ITGB2: variants seen among roughly 807,000 people sequenced by gnomAD.
ITGB2 encodes integrin subunit beta 2, also known as integrin beta-2.
In ITGB2, 56 loss-of-function variants were observed where a neutral mutation model predicts 86.8. That is an observed-to-expected ratio of 0.65 (90% CI 0.52 to 0.81). The LOEUF (loss-of-function observed/expected upper bound fraction) is 0.81, where lower values mean the gene tolerates loss of function less well. Among genes scored for constraint, ITGB2 ranks in the 30% least tolerant of loss-of-function variants. ITGB2 has a pLI of 0.00. For missense variants in ITGB2, 948 were observed against 1,061.2 expected (o/e 0.89, Z 1.48); for synonymous variants, 457 against 450.4 (o/e 1.01, Z -0.19).
chr21:44,889,694 T>A (rs2037183337), intron 12 of ITGB2, among the ~76,000 whole-genome samples, 199 bp from the exon 13 acceptor site: 1 of 152,164 alleles, frequency 6.6e-6, no homozygotes, highest in Non-Finnish European at 1.5e-5. Flanking sequence ...AGTCTGGACC[T>A]CCCCTGCCCT....
chr21:44,907,959 A>G (rs1413039442), intron 3 of ITGB2: 4 of 671,576 alleles, frequency 6.0e-6, no homozygotes, highest in Non-Finnish European at 8.3e-6. Flanking sequence ...AAGAAAGCCT[A>G]AATGTAATCC....
rs1274397037 is a variant in ITGB2 at position 44,886,820 on chromosome 21, G to T, written c.2163C>A (p.Val721=). ...TCAGGTGGATCAGAGCCTTCCAGATGACCAGCAGGAGAATGCCGATCAGCA... is the reference window on the plus strand; with the variant it reads ...TCAGGTGGATCAGAGCCTTCCAGATTACCAGCAGGAGAATGCCGATCAGCA... The part of the protein sequence containing the change: ...GIVLIGILLL[V]IWKALIHLSD... The change falls in exon 15 of 16, where the codon GTC becomes GTA. Residue 721 remains valine (V), a synonymous_variant. Coordinates refer to ENST00000652462, the MANE Select transcript of ITGB2 (RefSeq NM_000211.5). 1 of 1,613,900 alleles carries T rather than the reference G, an allele frequency of 6.2e-7. No homozygotes were observed. The highest frequency in any genetic ancestry group is 2.2e-5 in the East Asian group (1 of 44,878).
intron 10 of ITGB2, among the ~76,000 whole-genome samples, chr21:44,892,733 CAAAAAAA>C (rs547041931): frequency 2.4e-5 from 3 of 126,412 alleles, no homozygotes; most frequent in Admixed American, 8.0e-5. Flanking sequence ...TCACAGCTAG[CAAAAAAA>C]AAAACAAAAA....
intron 1 of ITGB2, among the ~76,000 whole-genome samples, chr21:44,918,369 C>T (rs889924442): frequency 2.0e-5 from 3 of 152,272 alleles, no homozygotes; most frequent in Non-Finnish European, 4.4e-5. Flanking sequence ...GCAAATGTCC[C>T]ACAGCCCTGG....
chr21:44,887,017 G>T, intron 14 of ITGB2, 115 bp from the exon 15 acceptor site: 3 of 1,305,008 alleles, frequency 2.3e-6, no homozygotes, highest in Non-Finnish European at 3.2e-6. Flanking sequence ...AGGTTCCCAG[G>T]GCCCCGGCTC....
upstream of ITGB2, among the ~76,000 whole-genome samples, chr21:44,925,659 T>C (rs913525429): frequency 1.2e-4 from 18 of 152,230 alleles, no homozygotes; most frequent in African/African-American, 3.9e-4. Flanking sequence ...AAAATGTCCA[T>C]GATACAACCC....
chr21:44,894,081 C>T, intron 9 of ITGB2: 1 of 240,004 alleles, frequency 4.2e-6, no homozygotes. Flanking sequence ...GGGACAGGTT[C>T]ATAGGGGCAT....
At chr21:44,913,636 T>G (rs1342514067) in intron 1 of ITGB2, among the ~76,000 whole-genome samples, 21 of 152,036 alleles carry the variant, frequency 1.4e-4, no homozygotes, top group Admixed American at 1.4e-3. Context: ...CAGCTGGGGA[T>G]GAAGGTCCGC....
In ITGB2 at chr21:44,889,504, C is replaced by T. The variant is rs775683352; in HGVS notation, c.1658-9G>A. The T allele has an allele frequency of 1.5e-5, 24 of 1,552,318 alleles. No homozygotes were observed. The highest frequency in any genetic ancestry group is 4.9e-5 in the East Asian group (2 of 41,114). On this transcript the variant is annotated splice_polypyrimidine_tract_variant and intron_variant, in intron 12 of 15. Transcript: ENST00000652462. Reference sequence around the variant, plus strand: ...GAAGCAGAGCCCCCTCCCTGGAAGACGGGGCAGCACGGCTAAGCTCCTGCT... The same window carrying T: ...GAAGCAGAGCCCCCTCCCTGGAAGATGGGGCAGCACGGCTAAGCTCCTGCT...
In ITGB2 at chr21:44,888,690, C is replaced by T; in HGVS notation, c.2080+3G>A. 6.2e-7 allele frequency: 1 copy of T among 1,607,108 alleles called. No individual in the cohort carries two copies. Among genetic ancestry groups the T allele is most frequent in the Non-Finnish European group, 8.5e-7 (1 of 1,179,910 alleles). ...GGTCCCCGCTGCACCCCAGCGGCCT[C>T]ACCTCGGCTCTCATCCACATAGATG... On this transcript the variant is annotated splice_donor_region_variant and intron_variant, in intron 14 of 15. Coordinates refer to ENST00000652462, the MANE Select transcript of ITGB2 (RefSeq NM_000211.5).
At position 44,906,982 on chromosome 21, in the gene ITGB2, G is replaced by C. The variant is rs1271614618; in HGVS notation, c.261C>G (p.Thr87=). 6.2e-7 allele frequency: 1 copy of C among 1,614,180 alleles called. No individual in the cohort carries two copies. The highest frequency in any genetic ancestry group is 1.7e-5 in the Admixed American group (1 of 60,028). The change falls in exon 4 of 16, where the codon ACC becomes ACG. Residue 87 remains threonine (T), a synonymous_variant. Coordinates refer to ENST00000652462, the MANE Select transcript of ITGB2 (RefSeq NM_000211.5). Reference sequence around the variant, plus strand: ...TCTGGCCCCCATTGTGGTCTTCCTGGGTTTCAGCGAGGCTTGTGGGGTCCA... The same window carrying C: ...TCTGGCCCCCATTGTGGTCTTCCTGCGTTTCAGCGAGGCTTGTGGGGTCCA... ...DIMDPTSLAE[T]QEDHNGGQKQ...
At chr21:44,919,028 C>CGTCCCCTCTCCCCGCACTCGG (rs2084255377) in intron 1 of ITGB2, among the ~76,000 whole-genome samples, 1 of 42,070 alleles carries the variant, frequency 2.4e-5, no homozygotes, top group Admixed American at 2.3e-4. Flanking sequence ...GAGGCACCTG[C>CGTCCCCTCTCCCCGCACTCGG]AGTTGCTCAG....
At chr21:44,895,194 C>A in intron 8 of ITGB2, 134 bp from the exon 9 acceptor site, 1 of 724,384 alleles carries the variant, frequency 1.4e-6, no homozygotes, top group South Asian at 1.5e-5. Flanking sequence ...TGCACTTGGT[C>A]CCCAGAGTGT....
intron 3 of ITGB2, 76 bp downstream of exon 3, chr21:44,910,208 G>A: frequency 6.4e-7 from 1 of 1,557,780 alleles, no homozygotes; most frequent in African/African-American, 1.4e-5. Context: ...TCCTCTGGGT[G>A]CCACTGGCTT....
At chr21:44,910,986 T>G (rs543478022) in intron 1 of ITGB2, 18 of 605,812 alleles carry the variant, frequency 3.0e-5, no homozygotes, top group Non-Finnish European at 5.0e-5. Context: ...GGCTCAGCAG[T>G]GCGGGCAGCA....
chr21:44,906,575 T>C (rs894004361), intron 4 of ITGB2, among the ~76,000 whole-genome samples: 1 of 152,144 alleles, frequency 6.6e-6, no homozygotes, highest in Non-Finnish European at 1.5e-5. Context: ...TTTACTCTTC[T>C]AAGAGTACCC....
intron 5 of ITGB2, among the ~76,000 whole-genome samples, chr21:44,902,572 G>A (rs4607021): frequency 0.67 from 100,750 of 151,266 alleles, 34,651 homozygotes; most frequent in African/African-American, 0.85. Flanking sequence ...TTTGAGTTTG[G>A]GTGTGCTTTT....
intron 2 of ITGB2, 66 bp downstream of exon 2, chr21:44,910,659 G>T: frequency 1.9e-6 from 3 of 1,562,312 alleles, no homozygotes; most frequent in South Asian, 1.1e-5. Flanking sequence ...GAAAGTGAGG[G>T]CAGGCCCTGT....
Position 44,916,847 on chromosome 21 carries a change from A to G in ITGB2, c.-4+3974T>C, listed in dbSNP as rs531479873. Among the ~76,000 whole-genome samples the G allele has an allele frequency of 2.8e-3, 429 of 151,740 alleles. 2 individuals carry two copies. Among genetic ancestry groups the G allele is most frequent in the African/African-American group, 8.6e-3 (355 of 41,264 alleles). ...CTCACCTCTGCACTCCAGCCTGGGC[A>G]ACAAGAGTGAAACTGTCTCAAAAGA... is the stretch of plus-strand genomic sequence containing the variant. On this transcript the variant is annotated intron_variant, in intron 1 of 15. Coordinates refer to ENST00000652462, the MANE Select transcript of ITGB2 (RefSeq NM_000211.5).
Sources: gnomAD v4.1 joint callset for allele counts (sites outside exome capture counted in the v4.1 genomes callset) on GRCh38, gnomAD v4.1.1 for gene constraint, MANE v1.5 for transcripts, NCBI Gene and HGNC (gene_info 2026-07-23, HGNC 2026-07-21) for gene names.